Variants in PUS7L observed in about 807,000 individuals in gnomAD.
The protein encoded by PUS7L is pseudouridylate synthase PUS7L.
PUS7L carries 49 observed loss-of-function variants against 51.1 expected under a neutral mutation model. The observed-to-expected ratio is 0.96, with a 90% CI of 0.76 to 1.22. PUS7L has a LOEUF of 1.22. PUS7L is among the 50% of genes most tolerant of loss of function. PUS7L has a pLI of 0.00. For synonymous variants in PUS7L, 277 were observed against 276.2 expected, an observed-to-expected ratio of 1.00 and a Z score of -0.03; for missense variants, 828 against 820.6, an observed-to-expected ratio of 1.01 and a Z score of -0.11.
At position 43,754,372 on chromosome 12, in the gene PUS7L, G is replaced by A. The variant is rs747284316; in HGVS notation, c.874C>T (p.Leu292Phe). 3 of 1,602,776 alleles carry A rather than the reference G, an allele frequency of 1.9e-6. No homozygotes were observed. The highest frequency in any genetic ancestry group is 2.5e-6 in the Non-Finnish European group (3 of 1,176,496). ...EKAHKRGKRPLSECQEGKVIY... is the reference protein window; with the variant it reads ...EKAHKRGKRPFSECQEGKVIY... ...ACTTTTCCTTCTTGGCATTCAGAAAGAGGCCTTTTCCCACGTTTGTGTGCT... is the reference window on the plus strand; with the variant it reads ...ACTTTTCCTTCTTGGCATTCAGAAAAAGGCCTTTTCCCACGTTTGTGTGCT... Residue 292 changes from leucine (L) to phenylalanine (F), a missense_variant, in exon 2 of 9, where the codon CTT becomes TTT. Physicochemically the swap from Leu to Phe is conservative, Grantham distance 22. Transcript: ENST00000344862.
chr12:43,755,153 T>C lies in PUS7L; in HGVS notation c.93A>G (p.Pro31=). The change falls in exon 2 of 9, where the codon CCA becomes CCG. Residue 31 remains proline (P), a synonymous_variant. Transcript: ENST00000344862. ...CAATTTCAATAACAATAAAGTCACT[T>C]GGTGAGCTTTTTATAGTGCCATGAA... ...VGFHGTIKSS[P]SDFIVIEIDE... 6.2e-7 allele frequency: 1 copy of C among 1,613,344 alleles called. No individual in the cohort carries two copies.
chr12:43,750,588 A>T (rs1396176233), intron 2 of PUS7L, among the ~76,000 whole-genome samples: 1 of 152,192 alleles, frequency 6.6e-6, no homozygotes, highest in Non-Finnish European at 1.5e-5. Flanking sequence ...AATTTTAGAG[A>T]CTTCCACTTT....
chr12:43,751,597 T>C (rs1214692409), intron 2 of PUS7L, among the ~76,000 whole-genome samples: 2 of 152,184 alleles, frequency 1.3e-5, no homozygotes, highest in Non-Finnish European at 2.9e-5. Flanking sequence ...CAGTCTATCG[T>C]TGTTGGACAT....
At position 43,742,445 on chromosome 12, in the gene PUS7L, C is replaced by T. The variant is rs145380359; in HGVS notation, c.1362+12G>A. ...CAGAAACAGATAAGATTACATTTTT[C>T]AAAATCCATACCATTTCATTCTTCA... is the stretch of plus-strand genomic sequence containing the variant. On this transcript the variant is annotated intron_variant, in intron 5 of 8. Coordinates refer to ENST00000344862, the MANE Select transcript of PUS7L (RefSeq NM_031292.5). 3 of 1,576,880 alleles carry T rather than the reference C, an allele frequency of 1.9e-6. No individual in the cohort carries two copies. In the African/African-American group the frequency reaches 4.1e-5, roughly 21 times the overall value.
Position 43,731,775 on chromosome 12 carries a change from T to C in PUS7L, c.1726-17A>G, listed in dbSNP as rs1565628674. ...CAGGTGAATCTAGTTTTAAAAAACA[T>C]GAAAATATGAATGATTCCCAAATGT... On this transcript the variant is annotated splice_polypyrimidine_tract_variant and intron_variant, in intron 7 of 8. Transcript: ENST00000344862. 6.8e-7 allele frequency: 1 copy of C among 1,480,232 alleles called. No homozygotes were observed. Among genetic ancestry groups the C allele is most frequent in the South Asian group, 1.2e-5 (1 of 85,758 alleles). The allele number at this position is 1,480,232 out of a possible 1,614,324, so 91.7% of individuals were successfully genotyped here.
chr12:43,758,663 C>CCT, intron 1 of PUS7L, 67 bp downstream of exon 1: 16 of 761,680 alleles, frequency 2.1e-5, no homozygotes, highest in Non-Finnish European at 2.2e-5. Context: ...CACCCCCCCC[C>CCT]CCCACACACA....
At chr12:43,753,185 C>T (rs1444504454) in intron 2 of PUS7L, among the ~76,000 whole-genome samples, 1 of 152,006 alleles carries the variant, frequency 6.6e-6, no homozygotes, top group African/African-American at 2.4e-5. Context: ...TTACTATATG[C>T]CTAATATTAA....
intron 1 of PUS7L, among the ~76,000 whole-genome samples, chr12:43,757,775 A>C (rs1234316343): frequency 6.6e-6 from 1 of 152,258 alleles, no homozygotes; most frequent in African/African-American, 2.4e-5. Flanking sequence ...AGTCCTCCAT[A>C]GTTCAAGAGA....
In PUS7L at chr12:43,754,617, A is replaced by G. The variant is rs1439606246; in HGVS notation, c.629T>C (p.Val210Ala). The change falls in exon 2 of 9, where the codon GTA (valine) becomes GCA (alanine). Residue 210 changes from valine (V) to alanine (A), a missense_variant. Transcript: ENST00000344862. ...AAAGTCAAATGCTTCCTCTTCAGAT[A>G]CCAAATGACAAAGTTCTTTATATTC... The part of the protein sequence containing the change: ...NLEYKELCHL[V>A]SEEEAFDFFK... The G allele has an allele frequency of 8.7e-6, 14 of 1,613,170 alleles. No individual in the cohort carries two copies. The highest frequency in any genetic ancestry group is 1.2e-5 in the Non-Finnish European group (14 of 1,179,720).
rs1012609777 is a variant in PUS7L at position 43,722,791 on chromosome 12, A to T, written c.*7585T>A. Reference sequence around the variant, plus strand: ...GATTAAAACCCTATTGTACTGAAAAACTCAGAATCCTGACTTAACTAGTCT... The same window carrying T: ...GATTAAAACCCTATTGTACTGAAAATCTCAGAATCCTGACTTAACTAGTCT... On this transcript the variant is annotated 3_prime_UTR_variant, in exon 9 of 9. Transcript: ENST00000344862. The T allele has an allele frequency of 1.3e-5, 2 of 151,956 alleles. No homozygotes were observed. 9.4% of individuals were successfully genotyped at this position (151,956 alleles called of 1,614,324 possible). A position where few individuals can be genotyped will look rare whatever the true frequency, so the allele number is the denominator to read the frequency against.
intron 1 of PUS7L, among the ~76,000 whole-genome samples, chr12:43,755,675 G>A (rs1229423408): frequency 6.6e-6 from 1 of 152,160 alleles, no homozygotes; most frequent in Non-Finnish European, 1.5e-5. Flanking sequence ...CAGAGAACAT[G>A]TGGCTAAGTT....
rs528369733 is a variant in PUS7L, at chr12:43,750,244, A to G, written c.911-1635T>C. On this transcript the variant is annotated intron_variant, in intron 2 of 8. Coordinates refer to ENST00000344862, the MANE Select transcript of PUS7L (RefSeq NM_031292.5). ...AGCCTAGGTGGATAAGCATTTTTTC[A>G]CCCATAAAGATTTAGAATTTAGTAT... 7.2e-4 allele frequency among the ~76,000 whole-genome samples: 110 copies of G among 152,298 alleles called. 1 individual carries two copies. The highest frequency in any genetic ancestry group is 2.5e-3 in the African/African-American group (106 of 41,574).
chr12:43,755,398 A>T (rs2137767942), intron 1 of PUS7L, 137 bp from the exon 2 acceptor site: 1 of 585,042 alleles, frequency 1.7e-6, no homozygotes, highest in Non-Finnish European at 3.0e-6. Context: ...TCATTAACTT[A>T]ATTTATAACT....
chr12:43,754,280 A>G, intron 2 of PUS7L, 56 bp downstream of exon 2: 1 of 1,219,284 alleles, frequency 8.2e-7, no homozygotes, highest in Non-Finnish European at 1.2e-6. Context: ...TCATTTTCAC[A>G]ATTTTAAATT....
At chr12:43,742,139 G>A (rs1937931423) in intron 5 of PUS7L, among the ~76,000 whole-genome samples, 1 of 152,068 alleles carries the variant, frequency 6.6e-6, no homozygotes, top group African/African-American at 2.4e-5. Flanking sequence ...TATATGATCT[G>A]ATATCTGATT....
At chr12:43,745,759 A>T (rs1464752184) in intron 4 of PUS7L, among the ~76,000 whole-genome samples, 1 of 152,138 alleles carries the variant, frequency 6.6e-6, no homozygotes, top group South Asian at 2.1e-4. Flanking sequence ...GCTTAAAAAA[A>T]ATCTCTCTTA....
Position 43,758,662 on chromosome 12 carries a change from CCCCCA to C in PUS7L, c.-17+63_-17+67del, listed in dbSNP as rs1037219381. On this transcript the variant is annotated intron_variant, in intron 1 of 8. Coordinates refer to ENST00000344862, the MANE Select transcript of PUS7L (RefSeq NM_031292.5). The stretch of plus-strand genomic sequence containing the variant: ...TCAATGCCAACCTCGTCACCCCCCC[CCCCCA>C]CACACACACACACACACACACATAC... 2.6e-5 allele frequency: 20 copies of C among 765,710 alleles called. No individual in the cohort carries two copies. The African/African-American group carries it at 3.4e-4, about 13-fold the overall frequency. 47.4% of individuals were successfully genotyped at this position (765,710 alleles called of 1,614,324 possible). A position where few individuals can be genotyped will look rare whatever the true frequency, so the allele number is the denominator to read the frequency against.
At position 43,726,298 on chromosome 12, in the gene PUS7L, G is replaced by C. The variant is rs1368483835; in HGVS notation, c.*4078C>G. 6.6e-6 allele frequency: 1 copy of C among 152,158 alleles called. No individual in the cohort carries two copies. Among genetic ancestry groups the C allele is most frequent in the Non-Finnish European group, 1.5e-5 (1 of 68,022 alleles). 9.4% of individuals were successfully genotyped at this position (152,158 alleles called of 1,614,324 possible). On this transcript the variant is annotated 3_prime_UTR_variant, in exon 9 of 9. Transcript: ENST00000344862. ...CAACAATAACAAGCAACAGGGAAAG[G>C]ACTCCCTATTTAATAAATGGTGCTG... is the stretch of plus-strand genomic sequence containing the variant.
chr12:43,742,378 T>G, intron 5 of PUS7L, 79 bp downstream of exon 5: 3 of 959,302 alleles, frequency 3.1e-6, no homozygotes, highest in East Asian at 2.4e-5. Context: ...TATGCTAGAG[T>G]TAAGAAAGCA....
Sources: gnomAD v4.1 joint callset for allele counts (sites outside exome capture counted in the v4.1 genomes callset) on GRCh38, gnomAD v4.1.1 for gene constraint, MANE v1.5 for transcripts, NCBI Gene and HGNC (gene_info 2026-07-23, HGNC 2026-07-21) for gene names.